Variants in HMMR observed in about 807,000 individuals in gnomAD.
The protein encoded by HMMR is hyaluronan mediated motility receptor, also known as intracellular hyaluronic acid-binding protein.
A neutral mutation model predicts 101.0 loss-of-function variants in HMMR; 108 were observed. The ratio of observed to expected loss-of-function variants is 1.07; its 90% CI spans 0.92 to 1.25. The LOEUF is 1.25. Ranked by LOEUF, HMMR falls within the 50% of genes most tolerant of loss-of-function variation. The pLI, the probability that HMMR is intolerant of heterozygous loss-of-function variation, is 0.00. For synonymous variants in HMMR, 296 were observed against 276.4 expected (o/e 1.07, Z -0.70); for missense variants, 813 against 788.7 (o/e 1.03, Z -0.37).
intron 12 of HMMR, among the ~76,000 whole-genome samples, chr5:163,481,198 C>T (rs147864130): frequency 8.2e-4 from 124 of 151,982 alleles, no homozygotes; most frequent in Middle Eastern, 3.4e-3. Flanking sequence ...TCTGTTCCCA[C>T]ATGTGATACA....
At chr5:163,483,509 G>A (rs1354573553) in intron 15 of HMMR, 142 bp downstream of exon 15, 1 of 458,358 alleles carries the variant, frequency 2.2e-6, no homozygotes, top group South Asian at 5.8e-5. Flanking sequence ...ACTATTAAAG[G>A]TTTATACATT....
At chr5:163,467,669 T>G in intron 3 of HMMR, 32 bp from the exon 4 acceptor site, 1 of 1,310,156 alleles carries the variant, frequency 7.6e-7, no homozygotes. Context: ...GACATCTAAA[T>G]TTGCTTATAA....
rs1280207888 is a variant in HMMR, at chr5:163,474,190, T to C, written c.1038T>C (p.Leu346=). The C allele has an allele frequency of 6.2e-7, 1 of 1,605,112 alleles. No individual in the cohort carries two copies. Among genetic ancestry groups the C allele is most frequent in the South Asian group, 1.1e-5 (1 of 89,136 alleles). ...LQQKELQIDS[L]LQQEKELSSS... is the part of the protein sequence containing the mutation. ...AAAAAGAATTACAAATTGATTCACT[T>C]CTGCAACAAGAGAAAGTAATTTACC... Residue 346 remains leucine (L), a synonymous_variant, in exon 10 of 18, where the codon CTT becomes CTC. Coordinates refer to ENST00000393915, the MANE Select transcript of HMMR (RefSeq NM_001142556.2).
intron 7 of HMMR, among the ~76,000 whole-genome samples, chr5:163,472,273 G>A (rs914459880): frequency 1.3e-5 from 2 of 152,004 alleles, no homozygotes; most frequent in African/African-American, 4.8e-5. Flanking sequence ...CATCCAAACC[G>A]TTCTGTATAC....
chr5:163,462,708 A>G (rs895876406), intron 1 of HMMR, among the ~76,000 whole-genome samples: 20 of 151,716 alleles, frequency 1.3e-4, no homozygotes, highest in Admixed American at 2.6e-4. Context: ...GGAGCCTGTA[A>G]TCCCAGCTAC....
At position 163,473,573 on chromosome 5, in the gene HMMR, A is replaced by G. The variant is rs1758971184; in HGVS notation, c.904+16A>G. On this transcript the variant is annotated intron_variant, in intron 9 of 17. Coordinates refer to ENST00000393915, the MANE Select transcript of HMMR (RefSeq NM_001142556.2). ...AAAGAAAAAGGTATTACAGTGTTTTATAGTTACTTTGTTTAGATAAGTGTT... is the reference window on the plus strand; with the variant it reads ...AAAGAAAAAGGTATTACAGTGTTTTGTAGTTACTTTGTTTAGATAAGTGTT... 1.3e-6 allele frequency: 2 copies of G among 1,495,784 alleles called. No individual in the cohort carries two copies. The highest frequency in any genetic ancestry group is 9.1e-7 in the Non-Finnish European group (1 of 1,102,462). 92.7% of individuals were successfully genotyped at this position (1,495,784 alleles called of 1,614,324 possible).
At position 163,484,209 on chromosome 5, in the gene HMMR, T is replaced by A. The variant is rs545336551; in HGVS notation, c.1926T>A (p.Val642=). ...ATTTGAAACAAAAAATCAAGCATGT[T>A]GTGAAGTTGAAAGATGAAAATAGCC... ...HQNLKQKIKH[V]VKLKDENSQL... Residue 642 remains valine, a synonymous_variant, in exon 16 of 18, where the codon GTT becomes GTA. Transcript: ENST00000393915. 3 of 1,601,830 alleles carry A rather than the reference T, an allele frequency of 1.9e-6. No homozygotes were observed. In the East Asian group the frequency reaches 6.7e-5, roughly 36 times the overall value.
At chr5:163,487,335 T>C (rs1056657025) in intron 16 of HMMR, among the ~76,000 whole-genome samples, 1 of 152,202 alleles carries the variant, frequency 6.6e-6, no homozygotes, top group Non-Finnish European at 1.5e-5. Context: ...GAGGGGTTTT[T>C]TTCAGCCATA....
Position 163,491,845 on chromosome 5 carries a change from G to A in HMMR, c.*681G>A, listed in dbSNP as rs1759706806. 6.6e-6 allele frequency: 1 copy of A among 152,162 alleles called. No individual in the cohort carries two copies. Among genetic ancestry groups the A allele is most frequent in the Admixed American group, 6.5e-5 (1 of 15,280 alleles). The allele number at this position is 152,162 out of a possible 1,614,324, so 9.4% of individuals were successfully genotyped here. ...CTCTACATGTAACTATTTCTTCAGA[G>A]TTTGTCATATACTGCTTGTCATCTG... On this transcript the variant is annotated 3_prime_UTR_variant, in exon 18 of 18. Coordinates refer to ENST00000393915, the MANE Select transcript of HMMR (RefSeq NM_001142556.2).
Position 163,482,754 on chromosome 5 carries a change from T to C in HMMR, c.1498T>C (p.Leu500=), listed in dbSNP as rs752224475. Residue 500 remains leucine (L), a synonymous_variant, in exon 13 of 18, where the codon TTG becomes CTG. Coordinates refer to ENST00000393915, the MANE Select transcript of HMMR (RefSeq NM_001142556.2). Reference sequence around the variant, plus strand: ...TGCAGAGGATGTTCAGCATCAGATTTTGGCAACTGAGAGCTCAAATCAAGA... The same window carrying C: ...TGCAGAGGATGTTCAGCATCAGATTCTGGCAACTGAGAGCTCAAATCAAGA... ...KNAEDVQHQI[L]ATESSNQEYV... is the part of the protein sequence containing the mutation. 6 of 1,614,028 alleles carry C rather than the reference T, an allele frequency of 3.7e-6. No homozygotes were observed. Among genetic ancestry groups the C allele is most frequent in the Non-Finnish European group, 5.1e-6 (6 of 1,179,916 alleles).
chr5:163,463,361 A>G (rs540963004), intron 1 of HMMR, among the ~76,000 whole-genome samples: 1 of 152,292 alleles, frequency 6.6e-6, no homozygotes, highest in Admixed American at 6.5e-5. Flanking sequence ...CTTTTCTTCC[A>G]TGTGTTTGAA....
intron 11 of HMMR, among the ~76,000 whole-genome samples, chr5:163,477,526 G>A (rs1023735058): frequency 6.6e-6 from 1 of 152,228 alleles, no homozygotes; most frequent in East Asian, 1.9e-4. Flanking sequence ...GTAATTAGGG[G>A]TGTTGTTCTA....
At chr5:163,479,199 C>T (rs928138642) in intron 12 of HMMR, among the ~76,000 whole-genome samples, 3 of 152,160 alleles carry the variant, frequency 2.0e-5, no homozygotes, top group African/African-American at 7.2e-5. Context: ...CTTGCTAAAC[C>T]TATAAAGAGA....
At chr5:163,468,640 G>A (rs1290944557) in intron 4 of HMMR, among the ~76,000 whole-genome samples, 1 of 152,122 alleles carries the variant, frequency 6.6e-6, no homozygotes, top group African/African-American at 2.4e-5. Flanking sequence ...TTCTAATAAT[G>A]TTAGCTATCA....
rs1485291731 is a variant in HMMR, at chr5:163,469,626, C to T, written c.274-15C>T. ...CTATCAGTGAATCATTTATTATCACCTTGTTTTTGTCCAGATTCGTGTTCT... is the reference window on the plus strand; with the variant it reads ...CTATCAGTGAATCATTTATTATCACTTTGTTTTTGTCCAGATTCGTGTTCT... On this transcript the variant is annotated splice_polypyrimidine_tract_variant and intron_variant, in intron 4 of 17. Coordinates refer to ENST00000393915, the MANE Select transcript of HMMR (RefSeq NM_001142556.2). 6.2e-7 allele frequency: 1 copy of T among 1,600,592 alleles called. No homozygotes were observed. Among genetic ancestry groups the T allele is most frequent in the East Asian group, 2.2e-5 (1 of 44,762 alleles).
chr5:163,484,036 A>T (rs958935497), intron 15 of HMMR, 33 bp from the exon 16 acceptor site: 1 of 1,317,766 alleles, frequency 7.6e-7, no homozygotes, highest in Non-Finnish European at 1.1e-6. Context: ...AAACTGTTTT[A>T]AGTCTTAACT....
intron 1 of HMMR, 126 bp downstream of exon 1, chr5:163,460,864 G>A: frequency 1.3e-6 from 1 of 785,384 alleles, no homozygotes. Flanking sequence ...TCAGTTGATT[G>A]ATTTTTCTCA....
In HMMR at chr5:163,490,473, T is replaced by C. The variant is rs984409379; in HGVS notation, c.2046T>C (p.Gly682=). Residue 682 remains glycine (G), a synonymous_variant, in exon 17 of 18, where the codon GGT becomes GGC. Coordinates refer to ENST00000393915, the MANE Select transcript of HMMR (RefSeq NM_001142556.2). Reference sequence around the variant, plus strand: ...AAGAGGAATTGAATAAAGTTCTAGGTATCAAACACTTTGATCCTTCAAAGG... The same window carrying C: ...AAGAGGAATTGAATAAAGTTCTAGGCATCAAACACTTTGATCCTTCAAAGG... ...KLQEELNKVL[G]IKHFDPSKAF... 1.4e-5 allele frequency: 23 copies of C among 1,601,178 alleles called. No individual in the cohort carries two copies. In the African/African-American group the frequency reaches 3.0e-4, roughly 21 times the overall value.
At chr5:163,486,755 G>A (rs948454916) in intron 16 of HMMR, among the ~76,000 whole-genome samples, 1 of 152,206 alleles carries the variant, frequency 6.6e-6, no homozygotes, top group Non-Finnish European at 1.5e-5. Flanking sequence ...GATGTTACCT[G>A]TATGATGTAT....
Sources: allele counts gnomAD v4.1 joint callset (sites outside exome capture counted in the v4.1 genomes callset), GRCh38; gene constraint gnomAD v4.1.1; transcripts MANE v1.5; gene names NCBI Gene and HGNC (gene_info 2026-07-23, HGNC 2026-07-21).